The following KIF6 variants were observed in gnomAD, a reference collection of about 807,000 sequenced individuals.
The protein encoded by KIF6 is kinesin-like protein KIF6.
KIF6 carries 106 observed loss-of-function variants against 112.7 expected under a neutral mutation model. The observed-to-expected ratio is 0.94, with a 90% CI of 0.80 to 1.11. The LOEUF is 1.11. KIF6 is among the 50% of genes least tolerant of loss of function. The probability of loss-of-function intolerance (pLI) is 0.00; values close to 1 mark genes in which losing one functional copy is unlikely to be tolerated. For missense variants in KIF6, 929 were observed against 964.0 expected (o/e 0.96, Z 0.48); for synonymous variants, 339 against 339.9 (o/e 1.00, Z 0.03).
At position 39,335,086 on chromosome 6, in the gene KIF6, A is replaced by G. The variant is rs985099528; in HGVS notation, c.*1446T>C. ...CTGTGCTTGGGACACAGCAATGAGC[A>G]AGACAAACAGGTCCCTGTTGCATTG... On this transcript the variant is annotated 3_prime_UTR_variant, in exon 23 of 23. Transcript: ENST00000287152. The G allele has an allele frequency of 3.9e-5, 6 of 152,330 alleles. No individual in the cohort carries two copies. Among genetic ancestry groups the G allele is most frequent in the African/African-American group, 1.4e-4 (6 of 41,554 alleles). The allele number at this position is 152,330 out of a possible 1,614,324, so 9.4% of individuals were successfully genotyped here.
At chr6:39,594,524 T>C (rs986418477) in intron 7 of KIF6, among the ~76,000 whole-genome samples, 1 of 152,198 alleles carries the variant, frequency 6.6e-6, no homozygotes, top group Non-Finnish European at 1.5e-5. Flanking sequence ...AACACTAGAA[T>C]GATCTGAATA....
At chr6:39,475,844 C>T (rs1774397532) in intron 13 of KIF6, among the ~76,000 whole-genome samples, 1 of 152,152 alleles carries the variant, frequency 6.6e-6, no homozygotes, top group Non-Finnish European at 1.5e-5. Flanking sequence ...TTAGAAAAGT[C>T]ACACCATGGA....
chr6:39,497,312 T>C (rs2150485698), intron 13 of KIF6, among the ~76,000 whole-genome samples: 1 of 152,330 alleles, frequency 6.6e-6, no homozygotes, highest in East Asian at 1.9e-4. Context: ...AACAGATCTG[T>C]CAGCATGAAG....
chr6:39,339,589 GAATACTTCCA>G (rs1763210314), intron 22 of KIF6, among the ~76,000 whole-genome samples: 1 of 152,024 alleles, frequency 6.6e-6, no homozygotes, highest in African/African-American at 2.4e-5. Context: ...TTCCAGATGG[GAATACTTCCA>G]AACTCAGGGA....
chr6:39,557,313 T>C (rs144739634), intron 10 of KIF6, among the ~76,000 whole-genome samples: 244 of 152,284 alleles, frequency 1.6e-3, no homozygotes, highest in African/African-American at 5.7e-3. Flanking sequence ...GAATCATACA[T>C]TATCATTGAG....
At chr6:39,399,315 C>T (rs557697525) in intron 15 of KIF6, among the ~76,000 whole-genome samples, 2 of 152,322 alleles carry the variant, frequency 1.3e-5, no homozygotes, top group East Asian at 3.9e-4. Flanking sequence ...TAGGTCTGAT[C>T]TTGTCCCCAC....
chr6:39,699,170 A>T (rs1018429028), intron 3 of KIF6, among the ~76,000 whole-genome samples: 11 of 152,190 alleles, frequency 7.2e-5, no homozygotes, highest in African/African-American at 2.7e-4. Context: ...ATGTACAATA[A>T]CACAGCACAT....
intron 3 of KIF6, among the ~76,000 whole-genome samples, chr6:39,684,165 A>G (rs548874334): frequency 1.3e-5 from 2 of 152,178 alleles, no homozygotes; most frequent in African/African-American, 4.8e-5. Context: ...TCATGAAGGG[A>G]GACACAGGAC....
At position 39,668,338 on chromosome 6, in the gene KIF6, G is replaced by A. The variant is rs186708049; in HGVS notation, c.252-28581C>T. On this transcript the variant is annotated intron_variant, in intron 3 of 22. Coordinates refer to ENST00000287152, the MANE Select transcript of KIF6 (RefSeq NM_145027.6). ...TAAATAATTAAGAGTGATTCCTTCC[G>A]GCTTTCTTTTTAGGAGAAAAAAATA... Among the ~76,000 whole-genome samples the A allele has an allele frequency of 2.1e-3, 320 of 152,112 alleles. 1 individual carries two copies. The Middle Eastern group carries it at 0.024, about 11-fold the overall frequency.
chr6:39,427,260 G>A (rs1770836872), intron 14 of KIF6, among the ~76,000 whole-genome samples: 1 of 152,192 alleles, frequency 6.6e-6, no homozygotes, highest in Admixed American at 6.5e-5. Flanking sequence ...AAGCAAATGT[G>A]TGGAAGGGGC....
At chr6:39,446,393 C>T (rs1375225471) in intron 13 of KIF6, among the ~76,000 whole-genome samples, 1 of 152,218 alleles carries the variant, frequency 6.6e-6, no homozygotes, top group Non-Finnish European at 1.5e-5. Context: ...ACTTTAGCTC[C>T]AAGCTCACTG....
At chr6:39,506,448 A>G (rs1776432930) in intron 13 of KIF6, among the ~76,000 whole-genome samples, 1 of 152,144 alleles carries the variant, frequency 6.6e-6, no homozygotes, top group Admixed American at 6.6e-5. Context: ...TAGCTGCAGG[A>G]AATCACCATG....
chr6:39,624,466 T>C (rs1783989391), intron 5 of KIF6, among the ~76,000 whole-genome samples: 1 of 152,220 alleles, frequency 6.6e-6, no homozygotes, highest in South Asian at 2.1e-4. Flanking sequence ...TCAAAGCTGT[T>C]TGAAATAATC....
chr6:39,589,539 C>T (rs1417186144), intron 7 of KIF6, among the ~76,000 whole-genome samples: 1 of 152,126 alleles, frequency 6.6e-6, no homozygotes, highest in Non-Finnish European at 1.5e-5. Context: ...AGTTTGACTT[C>T]CTATGAAATT....
chr6:39,486,377 C>T (rs933446899), intron 13 of KIF6, among the ~76,000 whole-genome samples: 1 of 152,128 alleles, frequency 6.6e-6, no homozygotes, highest in African/African-American at 2.4e-5. Flanking sequence ...CTAGAGCACC[C>T]GTCATGTGGA....
rs1355135161 is a variant in KIF6, at chr6:39,335,707, T to C, written c.*825A>G. The C allele has an allele frequency of 3.3e-5, 5 of 152,166 alleles. No individual in the cohort carries two copies. Among genetic ancestry groups the C allele is most frequent in the African/African-American group, 1.2e-4 (5 of 41,418 alleles). The allele number at this position is 152,166 out of a possible 1,614,324, so 9.4% of individuals were successfully genotyped here. ...TTGGATCTGTCATGGAGAGGGCCCA[T>C]GGAGACAAGACCCCCAGGCAGCTAT... On this transcript the variant is annotated 3_prime_UTR_variant, in exon 23 of 23. Transcript: ENST00000287152.
intron 13 of KIF6, among the ~76,000 whole-genome samples, chr6:39,438,425 A>C (rs1260363880): frequency 1.3e-5 from 2 of 152,200 alleles, no homozygotes; most frequent in Non-Finnish European, 2.9e-5. Context: ...ACTGCCCCTG[A>C]AGACCTTCCA....
At chr6:39,620,750 T>TTTTATTTATTTATTTATTTATTTA (rs71543964) in intron 5 of KIF6, among the ~76,000 whole-genome samples, 2 of 148,528 alleles carry the variant, frequency 1.3e-5, no homozygotes, top group African/African-American at 5.0e-5. Context: ...CTTAACAACA[T>TTTTATTTATTTATTTATTTATTTA]TTTATTTATT....
chr6:39,643,626 A>G (rs530937999), intron 3 of KIF6, among the ~76,000 whole-genome samples: 1 of 152,206 alleles, frequency 6.6e-6, no homozygotes, highest in Non-Finnish European at 1.5e-5. Context: ...CACATGAAAA[A>G]GAATAAAGCT....
Sources: allele counts gnomAD v4.1 joint callset (sites outside exome capture counted in the v4.1 genomes callset), GRCh38; gene constraint gnomAD v4.1.1; transcripts MANE v1.5; gene names NCBI Gene and HGNC (gene_info 2026-07-23, HGNC 2026-07-21).